TMCC3: variants seen among roughly 807,000 people sequenced by gnomAD.
The protein encoded by TMCC3 is transmembrane and coiled-coil domain family 3.
TMCC3 carries 28 observed loss-of-function variants against 40.2 expected under a neutral mutation model. The ratio of observed to expected loss-of-function variants is 0.70; its 90% confidence interval spans 0.52 to 0.95. The LOEUF (loss-of-function observed/expected upper bound fraction) is 0.95, where lower values mean the gene tolerates loss of function less well. Ranked by LOEUF, TMCC3 falls within the 40% of genes least tolerant of loss-of-function variation. TMCC3 has a pLI of 0.00. For missense variants in TMCC3, 554 were observed against 615.2 expected (o/e 0.90, Z 1.05); for synonymous variants, 255 against 248.5 (o/e 1.03, Z -0.25).
chr12:94,650,307 C>T, intron 1 of TMCC3, 46 bp downstream of exon 1: 2 of 1,193,086 alleles, frequency 1.7e-6, no homozygotes, highest in Non-Finnish European at 2.1e-6. Flanking sequence ...CCCGCCTCGC[C>T]CCCGGGCCCG....
At chr12:94,572,328 T>TTTTTTTTA (rs2068536611) in intron 3 of TMCC3, among the ~76,000 whole-genome samples, 1 of 104,088 alleles carries the variant, frequency 9.6e-6, no homozygotes. Context: ...TTTTTTTTTT[T>TTTTTTTTA]GAGACAGAGT....
At chr12:94,601,467 G>A (rs1212487012) in intron 1 of TMCC3, among the ~76,000 whole-genome samples, 2 of 151,986 alleles carry the variant, frequency 1.3e-5, no homozygotes, top group Non-Finnish European at 1.5e-5. Context: ...GCAGTGACCC[G>A]AGATCATGCC....
chr12:94,646,691 G>A (rs932002111), intron 1 of TMCC3, among the ~76,000 whole-genome samples: 1 of 149,960 alleles, frequency 6.7e-6, no homozygotes, highest in Non-Finnish European at 1.5e-5. Flanking sequence ...CACCTGCCTC[G>A]GCCTCCCAAA....
rs780573148 is a variant in TMCC3 at position 94,581,737 on chromosome 12, G to T, written c.880C>A (p.Leu294Met). The T allele has an allele frequency of 5.6e-6, 9 of 1,614,196 alleles. No homozygotes were observed. Among genetic ancestry groups the T allele is most frequent in the Non-Finnish European group, 7.6e-6 (9 of 1,180,034 alleles). The change falls in exon 2 of 4, where the codon CTG becomes ATG. Residue 294 changes from leucine to methionine, a missense_variant. Transcript: ENST00000261226. ...GCTTGGGTATCCTTGATCTCCCTCA[G>T]TTCCTCCAGGATCACGGCGAGCTTG... ...QGKLAVILEE[L>M]REIKDTQAQL...
chr12:94,625,593 C>CAAA lies in TMCC3; in HGVS notation c.78+24757_78+24759dup, dbSNP rs540684724. On this transcript the variant is annotated intron_variant, in intron 1 of 3. Coordinates refer to ENST00000261226, the MANE Select transcript of TMCC3 (RefSeq NM_020698.4). Reference sequence around the variant, plus strand: ...TGGGCAACAGAGCAAGACTCCATCTCAAAAAAAAAAAAAAAAAAGTAAATG... The same window carrying CAAA: ...TGGGCAACAGAGCAAGACTCCATCTCAAAAAAAAAAAAAAAAAAAAAGTAAATG... Among the ~76,000 whole-genome samples, 23 of 104,990 alleles carry CAAA rather than the reference C, an allele frequency of 2.2e-4. 1 individual carries two copies. The highest frequency in any genetic ancestry group is 6.1e-4 in the East Asian group (2 of 3,292). The allele number at this position is 104,990 out of a possible 152,430, so 68.9% of individuals were successfully genotyped here.
rs769303657 is a variant in TMCC3, at chr12:94,613,345, G to A, written c.79-30807C>T. On this transcript the variant is annotated intron_variant, in intron 1 of 3. Coordinates refer to ENST00000261226, the MANE Select transcript of TMCC3 (RefSeq NM_020698.4). ...ATTAGCCAGGCATGGTGGCACACAC[G>A]TCTGTAGTTGCAGCTATTTGGAAAG... Among the ~76,000 whole-genome samples, 8 of 152,090 alleles carry A rather than the reference G, an allele frequency of 5.3e-5. 1 individual carries two copies. The South Asian group carries it at 1.2e-3, about 24-fold the overall frequency.
In TMCC3 at chr12:94,597,164, T is replaced by TATAA. The variant is rs1488070684; in HGVS notation, c.79-14627_79-14626insTTAT. On this transcript the variant is annotated intron_variant, in intron 1 of 3. Transcript: ENST00000261226. ...ATATATATATATATATATATGTATA[T>TATAA]AAATTAGCCAGGCCTGCTGGCGTGC... Among the ~76,000 whole-genome samples, 35 of 90,462 alleles carry TATAA rather than the reference T, an allele frequency of 3.9e-4. 1 individual carries two copies. In the East Asian group the frequency reaches 8.9e-3, roughly 23 times the overall value. The allele number at this position is 90,462 out of a possible 152,430, so 59.3% of individuals were successfully genotyped here. A position where few individuals can be genotyped will look rare whatever the true frequency, so the allele number is the denominator to read the frequency against.
chr12:94,612,850 TA>T (rs1417823806), intron 1 of TMCC3, among the ~76,000 whole-genome samples: 3 of 152,114 alleles, frequency 2.0e-5, no homozygotes, highest in Non-Finnish European at 2.9e-5. Context: ...CTTAAAACAT[TA>T]AAAACTGTTT....
chr12:94,571,887 C>A (rs1594261709), intron 3 of TMCC3, 150 bp from the exon 4 acceptor site: 2 of 722,922 alleles, frequency 2.8e-6, no homozygotes, highest in East Asian at 5.3e-5. Context: ...TGGTGATAGA[C>A]AAAGATGTGG....
intron 1 of TMCC3, among the ~76,000 whole-genome samples, chr12:94,632,354 G>C (rs1020327550): frequency 6.6e-6 from 1 of 152,166 alleles, no homozygotes; most frequent in Non-Finnish European, 1.5e-5. Context: ...CAAGAATAGA[G>C]ATGTAAAATT....
intron 1 of TMCC3, among the ~76,000 whole-genome samples, chr12:94,640,450 C>T (rs1285945187): frequency 6.6e-6 from 1 of 152,220 alleles, no homozygotes; most frequent in African/African-American, 2.4e-5. Context: ...TCCCACAGTG[C>T]TGGGAATACA....
At position 94,643,317 on chromosome 12, in the gene TMCC3, C is replaced by G. The variant is rs1479262925; in HGVS notation, c.78+7036G>C. Among the ~76,000 whole-genome samples the G allele has an allele frequency of 2.0e-5, 3 of 152,100 alleles. No homozygotes were observed. In the East Asian group the frequency reaches 5.8e-4, roughly 29 times the overall value. On this transcript the variant is annotated intron_variant, in intron 1 of 3. Coordinates refer to ENST00000261226, the MANE Select transcript of TMCC3 (RefSeq NM_020698.4). ...AAGGCATGGTTTAATATTACAAGAG[C>G]CTTCACAGAAAGATCACCAGGTAGG... is the stretch of plus-strand genomic sequence containing the variant.
At chr12:94,599,561 C>CTG (rs564295185) in intron 1 of TMCC3, among the ~76,000 whole-genome samples, 6 of 52,580 alleles carry the variant, frequency 1.1e-4, no homozygotes, top group African/African-American at 3.3e-4. Context: ...AAGATACCCC[C>CTG]CCCCCCGCCC....
intron 1 of TMCC3, among the ~76,000 whole-genome samples, chr12:94,611,353 G>A (rs1429335818): frequency 2.0e-5 from 3 of 152,076 alleles, no homozygotes. Context: ...GAATACTAAT[G>A]TTACATCTTT....
chr12:94,619,057 C>A (rs972057132), intron 1 of TMCC3, among the ~76,000 whole-genome samples: 3 of 152,232 alleles, frequency 2.0e-5, no homozygotes, highest in African/African-American at 7.2e-5. Flanking sequence ...GGTGCAGAGT[C>A]TCAGGGAGAG....
chr12:94,570,101 GTTAAGAGA>G lies in TMCC3; in HGVS notation c.*1326_*1333del, dbSNP rs1242970237. On this transcript the variant is annotated 3_prime_UTR_variant, in exon 4 of 4. Coordinates refer to ENST00000261226, the MANE Select transcript of TMCC3 (RefSeq NM_020698.4). Reference sequence around the variant, plus strand: ...CCTCAGGACTTATGTTCAGTGAGATGTTAAGAGACAGGTGGCAACCTTGGCTCAAACAC... The same window carrying G: ...CCTCAGGACTTATGTTCAGTGAGATGCAGGTGGCAACCTTGGCTCAAACAC... The G allele has an allele frequency of 6.6e-6, 1 of 152,182 alleles. No individual in the cohort carries two copies. Among genetic ancestry groups the G allele is most frequent in the Non-Finnish European group, 1.5e-5 (1 of 68,006 alleles). The allele number at this position is 152,182 out of a possible 1,614,324, so 9.4% of individuals were successfully genotyped here.
At chr12:94,587,805 T>G (rs760956678) in intron 1 of TMCC3, among the ~76,000 whole-genome samples, 1 of 152,258 alleles carries the variant, frequency 6.6e-6, no homozygotes, top group South Asian at 2.1e-4. Context: ...GGGGTCATTC[T>G]TTTGTATTTT....
intron 1 of TMCC3, among the ~76,000 whole-genome samples, chr12:94,636,681 G>A (rs2068962556): frequency 6.6e-6 from 1 of 152,228 alleles, no homozygotes. Context: ...AGAGGATCTA[G>A]AAGTAAAAGA....
At chr12:94,636,275 G>GGA (rs2068960469) in intron 1 of TMCC3, among the ~76,000 whole-genome samples, 2 of 152,126 alleles carry the variant, frequency 1.3e-5, no homozygotes, top group Non-Finnish European at 2.9e-5. Context: ...AATATATTAG[G>GGA]AGAACATGGG....
Sources: gnomAD v4.1 joint callset for allele counts (sites outside exome capture counted in the v4.1 genomes callset) on GRCh38, gnomAD v4.1.1 for gene constraint, MANE v1.5 for transcripts, NCBI Gene and HGNC (gene_info 2026-07-23, HGNC 2026-07-21) for gene names.